The following SCUBE1 variants were observed in gnomAD, a reference collection of about 807,000 sequenced individuals.
SCUBE1 encodes the protein signal peptide, CUB and EGF-like domain-containing protein 1.
Under a neutral mutation model 124.4 loss-of-function variants are expected in SCUBE1, and 59 were observed. The ratio of observed to expected loss-of-function variants is 0.47; its 90% CI spans 0.38 to 0.59. SCUBE1 has a LOEUF of 0.59. Ranked by LOEUF, SCUBE1 falls within the 20% of genes least tolerant of loss-of-function variation. The pLI is 0.00. For synonymous variants in SCUBE1, 545 were observed against 550.9 expected (o/e 0.99, Z 0.15); for missense variants, 1,150 against 1,371.2 (o/e 0.84, Z 2.55).
Position 43,254,904 on chromosome 22 carries a change from T to C in SCUBE1, c.727+3315A>G, listed in dbSNP as rs368753640. Among the ~76,000 whole-genome samples the C allele has an allele frequency of 5.3e-5, 8 of 152,244 alleles. No individual in the cohort carries two copies. In the East Asian group the frequency reaches 9.6e-4, roughly 18 times the overall value. On this transcript the variant is annotated intron_variant, in intron 6 of 21. Transcript: ENST00000360835. ...CCTCACATCGGTGCCTGATCAGCCC[T>C]GCCAGCAGGCCTCCCAAAACACCTT...
intron 10 of SCUBE1, among the ~76,000 whole-genome samples, chr22:43,224,175 G>T (rs1284069373): frequency 6.6e-6 from 1 of 152,196 alleles, no homozygotes; most frequent in African/African-American, 2.4e-5. Flanking sequence ...GTGTCCTTTG[G>T]GTGCCGTGGG....
chr22:43,341,641 GA>G (rs1186339830), intron 1 of SCUBE1, among the ~76,000 whole-genome samples: 1 of 152,224 alleles, frequency 6.6e-6, no homozygotes, highest in Non-Finnish European at 1.5e-5. Flanking sequence ...GGAGTGTGGG[GA>G]GAGGACATGG....
intron 3 of SCUBE1, among the ~76,000 whole-genome samples, chr22:43,304,054 A>G (rs1925873668): frequency 6.6e-6 from 1 of 152,150 alleles, no homozygotes; most frequent in East Asian, 1.9e-4. Flanking sequence ...CTGGGCAGCT[A>G]CGGCCCTTTT....
chr22:43,222,393 G>A (rs190774537), intron 12 of SCUBE1, among the ~76,000 whole-genome samples: 1 of 152,362 alleles, frequency 6.6e-6, no homozygotes, highest in East Asian at 1.9e-4. Flanking sequence ...GAACCACTCT[G>A]GCTGTGACCT....
Position 43,255,619 on chromosome 22 carries a change from T to C in SCUBE1, c.727+2600A>G. ...GGACAAACACGGAGCCAGTGGTTAA[T>C]GACAGCCCACTTCCCGCGGCCCAAG... is the stretch of plus-strand genomic sequence containing the variant. On this transcript the variant is annotated intron_variant, in intron 6 of 21. Coordinates refer to ENST00000360835, the MANE Select transcript of SCUBE1 (RefSeq NM_173050.5). This position sits in a 1 kb window ranked among gnomAD's most constrained non-coding sequence, Gnocchi z 4.7. 2.7e-6 allele frequency: 4 copies of C among 1,507,100 alleles called. No individual in the cohort carries two copies. Among genetic ancestry groups the C allele is most frequent in the East Asian group, 2.5e-5 (1 of 40,674 alleles). 93.4% of individuals were successfully genotyped at this position (1,507,100 alleles called of 1,614,324 possible).
chr22:43,293,000 C>A (rs1013207452), intron 3 of SCUBE1, among the ~76,000 whole-genome samples: 4 of 152,220 alleles, frequency 2.6e-5, no homozygotes, highest in African/African-American at 7.2e-5. Flanking sequence ...GAGGGACTAT[C>A]CTCAGCACCT....
intron 2 of SCUBE1, among the ~76,000 whole-genome samples, chr22:43,333,863 G>T (rs546161418): frequency 1.3e-5 from 2 of 152,176 alleles, no homozygotes; most frequent in Admixed American, 1.3e-4. Context: ...TATCTGGTAG[G>T]GTTCTTGAGA....
rs569190590 is a variant in SCUBE1, at chr22:43,315,602, G to A, written c.349+4335C>T. On this transcript the variant is annotated intron_variant, in intron 3 of 21. Coordinates refer to ENST00000360835, the MANE Select transcript of SCUBE1 (RefSeq NM_173050.5). ...CTCTAGAGCTGGAGTTTTGTCTTGA[G>A]AAAGAGAAAGCCTGAACAGAAAGAA... 3.3e-5 allele frequency among the ~76,000 whole-genome samples: 5 copies of A among 152,256 alleles called. No homozygotes were observed. In the East Asian group the frequency reaches 7.7e-4, roughly 24 times the overall value.
chr22:43,225,428 C>G (rs2146672407), intron 10 of SCUBE1, among the ~76,000 whole-genome samples: 1 of 151,960 alleles, frequency 6.6e-6, no homozygotes, highest in African/African-American at 2.4e-5. Flanking sequence ...ATGAGTTCAC[C>G]TAAGTGTTAG....
In SCUBE1 at chr22:43,211,825, C is replaced by CT. The variant is rs534148935; in HGVS notation, c.2221+599dup. ...AGGTGTGTGCCACCGCACCTGGCTT[C>CT]TTTTTTTAAATGGGCAAATTCAGAA... On this transcript the variant is annotated intron_variant, in intron 17 of 21. Coordinates refer to ENST00000360835, the MANE Select transcript of SCUBE1 (RefSeq NM_173050.5). This position sits in a 1 kb window ranked among gnomAD's most constrained non-coding sequence, Gnocchi z 4.5. Among the ~76,000 whole-genome samples the CT allele has an allele frequency of 1.5e-3, 226 of 152,192 alleles. 1 individual carries two copies. The highest frequency in any genetic ancestry group is 5.2e-3 in the African/African-American group (214 of 41,544).
intron 3 of SCUBE1, among the ~76,000 whole-genome samples, chr22:43,315,976 G>A (rs946825141): frequency 6.6e-6 from 1 of 152,178 alleles, no homozygotes; most frequent in African/African-American, 2.4e-5. Context: ...GCTGGAAGGA[G>A]AGTTCCACGT....
chr22:43,273,104 C>A (rs914993762), intron 4 of SCUBE1, among the ~76,000 whole-genome samples: 3 of 152,254 alleles, frequency 2.0e-5, no homozygotes, highest in East Asian at 1.9e-4. Context: ...AGGCCCTGGG[C>A]TGAGACCGAG....
intron 4 of SCUBE1, among the ~76,000 whole-genome samples, chr22:43,271,624 G>A (rs1386675308): frequency 6.6e-6 from 1 of 152,122 alleles, no homozygotes; most frequent in Non-Finnish European, 1.5e-5. Context: ...GAAACACACG[G>A]CTCTGCCTTC....
chr22:43,251,375 T>C (rs1222129203), intron 6 of SCUBE1, among the ~76,000 whole-genome samples: 1 of 152,204 alleles, frequency 6.6e-6, no homozygotes, highest in South Asian at 2.1e-4. Flanking sequence ...TTAGGCAGAA[T>C]AATGCCCCCT....
At chr22:43,259,586 G>A (rs1166704054) in intron 5 of SCUBE1, among the ~76,000 whole-genome samples, 1 of 152,180 alleles carries the variant, frequency 6.6e-6, no homozygotes, top group Non-Finnish European at 1.5e-5. Flanking sequence ...CACAGAGACC[G>A]ACGCAGAGCC....
intron 4 of SCUBE1, among the ~76,000 whole-genome samples, chr22:43,280,744 A>G (rs1001720232): frequency 4.9e-4 from 31 of 62,692 alleles, no homozygotes; most frequent in Non-Finnish European, 8.0e-4. Flanking sequence ...CTCCTCGGCC[A>G]CCCTCCTGTC....
chr22:43,249,261 C>G (rs971098613), intron 6 of SCUBE1, among the ~76,000 whole-genome samples: 1 of 151,252 alleles, frequency 6.6e-6, no homozygotes, highest in Non-Finnish European at 1.5e-5. Flanking sequence ...ATCAGGGACA[C>G]CCGGGACCCT....
At chr22:43,278,571 T>A (rs2146731765) in intron 4 of SCUBE1, among the ~76,000 whole-genome samples, 1 of 152,304 alleles carries the variant, frequency 6.6e-6, no homozygotes, top group African/African-American at 2.4e-5. Context: ...AATAGGAACC[T>A]GACAGCTAGG....
intron 4 of SCUBE1, among the ~76,000 whole-genome samples, chr22:43,279,201 G>A (rs1365655395): frequency 2.0e-5 from 3 of 152,174 alleles, no homozygotes; most frequent in Non-Finnish European, 2.9e-5. Flanking sequence ...CAGGAAACCT[G>A]TACCCTAAAA....
Sources: allele counts gnomAD v4.1 joint callset (sites outside exome capture counted in the v4.1 genomes callset), GRCh38; gene constraint gnomAD v4.1.1; non-coding constraint Gnocchi (gnomAD v3.1); transcripts MANE v1.5; gene names NCBI Gene and HGNC (gene_info 2026-07-23, HGNC 2026-07-21).